CACNA1I: variants seen among roughly 807,000 people sequenced by gnomAD.
The protein encoded by CACNA1I is calcium voltage-gated channel subunit alpha1 I.
Under a neutral mutation model 201.6 loss-of-function variants are expected in CACNA1I, and 74 were observed. The observed-to-expected ratio is 0.37, with a 90% confidence interval of 0.30 to 0.45. The LOEUF is 0.45. Ranked by LOEUF, CACNA1I falls within the 20% of genes least tolerant of loss-of-function variation. The pLI is 1.00. For missense variants in CACNA1I, 2,346 were observed against 3,138.1 expected, an observed-to-expected ratio of 0.75 and a Z score of 6.03; for synonymous variants, 1,431 against 1,345.2, an observed-to-expected ratio of 1.06 and a Z score of -1.40.
intron 1 of CACNA1I, among the ~76,000 whole-genome samples, chr22:39,593,476 C>G (rs2145819549): frequency 6.6e-6 from 1 of 152,256 alleles, no homozygotes; most frequent in South Asian, 2.1e-4. Flanking sequence ...GAAGAGGTGA[C>G]CTGCGAACTG....
At chr22:39,682,262 C>T (rs1935727050) in intron 34 of CACNA1I, among the ~76,000 whole-genome samples, 1 of 152,212 alleles carries the variant, frequency 6.6e-6, no homozygotes, top group South Asian at 2.1e-4. Flanking sequence ...TTCGCTGGGC[C>T]AGGGTCTGTA....
At chr22:39,572,227 G>A (rs1359459845) in intron 1 of CACNA1I, among the ~76,000 whole-genome samples, 1 of 152,112 alleles carries the variant, frequency 6.6e-6, no homozygotes, top group Non-Finnish European at 1.5e-5. Context: ...GTGAAGTGGG[G>A]GCTGGGGACC....
At position 39,665,861 on chromosome 22, in the gene CACNA1I, A is replaced by G. The variant is rs761536873; in HGVS notation, c.3979-20A>G. ...GCAACCCTCACCTGTGAGAGCACCA[A>G]CCTCACCCCCTTTCCCCAGCTCTTC... On this transcript the variant is annotated intron_variant, in intron 22 of 36. Transcript: ENST00000402142. This position sits in a 1 kb window ranked among gnomAD's most constrained non-coding sequence, Gnocchi z 5.5. The G allele has an allele frequency of 1.2e-6, 2 of 1,613,466 alleles. No homozygotes were observed. The highest frequency in any genetic ancestry group is 1.1e-5 in the South Asian group (1 of 91,058).
chr22:39,647,235 C>T (rs185732300), intron 8 of CACNA1I, among the ~76,000 whole-genome samples: 1 of 152,228 alleles, frequency 6.6e-6, no homozygotes, highest in Admixed American at 6.5e-5. Context: ...TCTTCCCCCC[C>T]ACTGCAGCCA....
chr22:39,684,741 CG>C lies in CACNA1I; in HGVS notation c.6027+246del. 1 of 599,550 alleles carries C rather than the reference CG, an allele frequency of 1.7e-6. No individual in the cohort carries two copies. Among genetic ancestry groups the C allele is most frequent in the African/African-American group, 1.9e-5 (1 of 53,786 alleles). The allele number at this position is 599,550 out of a possible 1,614,324, so 37.1% of individuals were successfully genotyped here. On this transcript the variant is annotated intron_variant, in intron 36 of 36. Transcript: ENST00000402142. This position sits in a 1 kb window ranked among gnomAD's most constrained non-coding sequence, Gnocchi z 4.6. ...GCAGAGTGTGGGGAGGACCCCAAGG[CG>C]GGTCTGGAAGAGGCCTGTGATCCCT...
chr22:39,607,902 G>A lies in CACNA1I; in HGVS notation c.482+7249G>A, dbSNP rs558059425. On this transcript the variant is annotated intron_variant, in intron 3 of 36. Coordinates refer to ENST00000402142, the MANE Select transcript of CACNA1I (RefSeq NM_021096.4). ...CACTTTGGGGTGCCAAGGCGGGGGG[G>A]GGTCACCTGAGGTCAGGAGTTCGAG... Among the ~76,000 whole-genome samples the A allele has an allele frequency of 8.6e-5, 13 of 150,706 alleles. No homozygotes were observed. The East Asian group carries it at 1.9e-3, about 23-fold the overall frequency.
At chr22:39,610,532 C>T (rs1438324584) in intron 3 of CACNA1I, among the ~76,000 whole-genome samples, 1 of 152,108 alleles carries the variant, frequency 6.6e-6, no homozygotes, top group Non-Finnish European at 1.5e-5. Flanking sequence ...GGGAAGTCAC[C>T]AGAGATTCTC....
At chr22:39,586,101 C>T (rs1256405258) in intron 1 of CACNA1I, among the ~76,000 whole-genome samples, 6 of 151,892 alleles carry the variant, frequency 4.0e-5, no homozygotes, top group Admixed American at 3.9e-4. Context: ...TCGCTTGAAC[C>T]AGGGAGTCAG....
chr22:39,580,680 C>T (rs1477887779), intron 1 of CACNA1I, among the ~76,000 whole-genome samples: 1 of 152,006 alleles, frequency 6.6e-6, no homozygotes, highest in East Asian at 1.9e-4. Flanking sequence ...TGTCAAATGC[C>T]AGGTTAGAGC....
intron 2 of CACNA1I, among the ~76,000 whole-genome samples, chr22:39,599,473 GC>G (rs1932972790): frequency 6.8e-6 from 1 of 146,094 alleles, no homozygotes; most frequent in African/African-American, 2.5e-5. Context: ...CAAAAAATTA[GC>G]CGGGCGTAGT....
At position 39,575,076 on chromosome 22, in the gene CACNA1I, C is replaced by T. The variant is rs555250170; in HGVS notation, c.236+4088C>T. Among the ~76,000 whole-genome samples the T allele has an allele frequency of 9.8e-5, 15 of 152,386 alleles. No homozygotes were observed. In the South Asian group the frequency reaches 1.2e-3, roughly 13 times the overall value. ...GGGCCACTCGCCCATATGTCAGCACCGCTCCCTGCCTGGCCTGGGCCGTGG... is the reference window on the plus strand; with the variant it reads ...GGGCCACTCGCCCATATGTCAGCACTGCTCCCTGCCTGGCCTGGGCCGTGG... On this transcript the variant is annotated intron_variant, in intron 1 of 36. Coordinates refer to ENST00000402142, the MANE Select transcript of CACNA1I (RefSeq NM_021096.4).
intron 1 of CACNA1I, among the ~76,000 whole-genome samples, chr22:39,579,748 G>A (rs1267190681): frequency 6.6e-6 from 1 of 151,850 alleles, no homozygotes; most frequent in Non-Finnish European, 1.5e-5. Flanking sequence ...CCAGATTCAA[G>A]CGATTCTCCT....
At chr22:39,681,752 G>A (rs1013627280) in intron 34 of CACNA1I, among the ~76,000 whole-genome samples, 1 of 152,044 alleles carries the variant, frequency 6.6e-6, no homozygotes, top group Non-Finnish European at 1.5e-5. Context: ...GGACAGCTGG[G>A]GGATACCCTG....
intron 1 of CACNA1I, among the ~76,000 whole-genome samples, chr22:39,571,367 G>A (rs532428116): frequency 5.3e-4 from 80 of 152,084 alleles, no homozygotes; most frequent in African/African-American, 1.9e-3. Flanking sequence ...ATCAGGAACT[G>A]TGGGCGTGGG....
chr22:39,579,031 G>A (rs1393324888), intron 1 of CACNA1I, among the ~76,000 whole-genome samples: 2 of 152,182 alleles, frequency 1.3e-5, no homozygotes, highest in African/African-American at 4.8e-5. Context: ...GCCCTACGTG[G>A]GCCCTGCCCT....
At chr22:39,609,688 G>A (rs532216342) in intron 3 of CACNA1I, among the ~76,000 whole-genome samples, 2 of 152,352 alleles carry the variant, frequency 1.3e-5, no homozygotes, top group African/African-American at 2.4e-5. Context: ...GCAAGGCTAG[G>A]AAAGCAGAAA....
Position 39,684,804 on chromosome 22 carries a change from G to A in CACNA1I, c.6027+306G>A. 3.5e-6 allele frequency: 2 copies of A among 576,656 alleles called. No individual in the cohort carries two copies. Among genetic ancestry groups the A allele is most frequent in the Non-Finnish European group, 6.2e-6 (2 of 324,726 alleles). 35.7% of individuals were successfully genotyped at this position (576,656 alleles called of 1,614,324 possible). A position where few individuals can be genotyped will look rare whatever the true frequency, so the allele number is the denominator to read the frequency against. On this transcript the variant is annotated intron_variant, in intron 36 of 36. Transcript: ENST00000402142. The surrounding 1 kb of genome is among the most constrained non-coding windows in gnomAD (Gnocchi z 4.6). ...AGGGGAGGAGAGGAGGAGGAGTACT[G>A]GAGGTTTTGCAGGGTGGCGGGGTGC...
At chr22:39,641,755 CACTG>C (rs1934356596) in intron 6 of CACNA1I, among the ~76,000 whole-genome samples, 1 of 152,236 alleles carries the variant, frequency 6.6e-6, no homozygotes, top group Non-Finnish European at 1.5e-5. Flanking sequence ...GGCCCCACTG[CACTG>C]ACTGTCAGCC....
At chr22:39,613,430 C>T (rs950747536) in intron 3 of CACNA1I, among the ~76,000 whole-genome samples, 22 of 152,164 alleles carry the variant, frequency 1.4e-4, no homozygotes, top group African/African-American at 5.1e-4. Flanking sequence ...TCATGTGATT[C>T]GTGGGCGCGT....
Sources: allele counts gnomAD v4.1 joint callset (sites outside exome capture counted in the v4.1 genomes callset), GRCh38; gene constraint gnomAD v4.1.1; non-coding constraint Gnocchi (gnomAD v3.1); transcripts MANE v1.5; gene names NCBI Gene and HGNC (gene_info 2026-07-23, HGNC 2026-07-21).